The following DPF3 variants were observed in gnomAD, a reference collection of about 807,000 sequenced individuals.
The protein encoded by DPF3 is zinc finger protein DPF3.
DPF3 carries 18 observed loss-of-function variants against 56.8 expected under a neutral mutation model. The ratio of observed to expected loss-of-function variants is 0.32; its 90% CI spans 0.22 to 0.47. The LOEUF is 0.47. DPF3 is among the 20% of genes least tolerant of loss of function. The pLI, the probability that DPF3 is intolerant of heterozygous loss-of-function variation, is 1.00. For synonymous variants in DPF3, 188 were observed against 180.2 expected (o/e 1.04, Z -0.35); for missense variants, 403 against 488.8 (o/e 0.82, Z 1.65).
intron 1 of DPF3, among the ~76,000 whole-genome samples, chr14:72,818,164 C>G (rs1032138629): frequency 2.0e-5 from 3 of 151,978 alleles, no homozygotes; most frequent in African/African-American, 7.3e-5. Context: ...TCCCTTGAAC[C>G]CAGGAGTCAG....
intron 8 of DPF3, among the ~76,000 whole-genome samples, chr14:72,650,710 T>C (rs1445133095): frequency 6.6e-6 from 1 of 152,150 alleles, no homozygotes; most frequent in Admixed American, 6.5e-5. Flanking sequence ...TCCATCTGCC[T>C]CTTCAAGGTA....
chr14:72,690,193 G>A (rs1225626037), intron 7 of DPF3, among the ~76,000 whole-genome samples: 4 of 152,164 alleles, frequency 2.6e-5, no homozygotes, highest in Admixed American at 6.5e-5. Context: ...CACGTAGGGC[G>A]AGGGGAGACA....
intron 5 of DPF3, among the ~76,000 whole-genome samples, chr14:72,716,456 A>G (rs1432278175): frequency 6.6e-6 from 1 of 152,016 alleles, no homozygotes; most frequent in Non-Finnish European, 1.5e-5. Flanking sequence ...GCCTTCTCAA[A>G]TGTCACCTCC....
intron 8 of DPF3, among the ~76,000 whole-genome samples, chr14:72,642,013 G>A (rs1211589047): frequency 1.3e-5 from 2 of 152,208 alleles, no homozygotes; most frequent in Non-Finnish European, 2.9e-5. Context: ...GGAAGCCTCT[G>A]TTCAGCCAGC....
chr14:72,809,583 G>C (rs544892744), intron 1 of DPF3, among the ~76,000 whole-genome samples: 79 of 152,354 alleles, frequency 5.2e-4, no homozygotes, highest in Non-Finnish European at 1.3e-4. Flanking sequence ...CTTCCTTTCA[G>C]AACCCTGCAT....
In DPF3 at chr14:72,708,819, T is replaced by A. The variant is rs568073121; in HGVS notation, c.604+5604A>T. Among the ~76,000 whole-genome samples, 3 of 152,314 alleles carry A rather than the reference T, an allele frequency of 2.0e-5. No individual in the cohort carries two copies. In the East Asian group the frequency reaches 5.8e-4, roughly 29 times the overall value. On this transcript the variant is annotated intron_variant, in intron 6 of 10. Coordinates refer to ENST00000556509, the MANE Select transcript of DPF3 (RefSeq NM_001280542.3). The stretch of plus-strand genomic sequence containing the variant: ...ATTCCCCAATCCACTGCTCCCTTCA[T>A]GTCCTCCAGACATCTTGCCTCCCTA...
At chr14:72,796,725 T>C (rs550963112) in intron 1 of DPF3, among the ~76,000 whole-genome samples, 24 of 152,296 alleles carry the variant, frequency 1.6e-4, no homozygotes, top group African/African-American at 5.5e-4. Flanking sequence ...AGTAGACCTC[T>C]TGGGGCCAGG....
chr14:72,673,066 C>A (rs1377997733), intron 8 of DPF3, among the ~76,000 whole-genome samples: 1 of 152,176 alleles, frequency 6.6e-6, no homozygotes, highest in Non-Finnish European at 1.5e-5. Context: ...CCTTGAGAGT[C>A]ACACGTTGAG....
At chr14:72,670,385 G>A (rs992867787) in intron 8 of DPF3, 7 of 986,054 alleles carry the variant, frequency 7.1e-6, no homozygotes, top group Non-Finnish European at 8.4e-6. Context: ...CCCAGGAGGC[G>A]GCTGGTCAGG....
intron 1 of DPF3, among the ~76,000 whole-genome samples, chr14:72,814,164 G>C (rs1883183210): frequency 6.6e-6 from 1 of 152,086 alleles, no homozygotes. Flanking sequence ...TTTGAATGGT[G>C]CCCCCAGAGT....
chr14:72,686,724 G>A (rs903826423), intron 7 of DPF3, among the ~76,000 whole-genome samples: 1 of 152,204 alleles, frequency 6.6e-6, no homozygotes, highest in Non-Finnish European at 1.5e-5. Flanking sequence ...CTTTGAGAAG[G>A]AAGAAGCAGC....
chr14:72,870,252 T>C (rs564208588), intron 1 of DPF3, among the ~76,000 whole-genome samples: 1 of 152,282 alleles, frequency 6.6e-6, no homozygotes. Flanking sequence ...CAACAGTGTG[T>C]CAGGCCAACT....
intron 3 of DPF3, among the ~76,000 whole-genome samples, chr14:72,740,876 T>C (rs534642420): frequency 2.6e-5 from 4 of 152,236 alleles, no homozygotes; most frequent in Non-Finnish European, 5.9e-5. Flanking sequence ...GGCCAAGTTC[T>C]AGGTCATCTA....
intron 8 of DPF3, among the ~76,000 whole-genome samples, chr14:72,638,818 C>CTTTT (rs1430367532): frequency 1.3e-4 from 15 of 116,134 alleles, no homozygotes; most frequent in South Asian, 7.1e-4. Context: ...CTTTGTTTTA[C>CTTTT]ATTTTTTTTT....
intron 1 of DPF3, among the ~76,000 whole-genome samples, chr14:72,828,407 T>C (rs1883906752): frequency 6.6e-6 from 1 of 151,872 alleles, no homozygotes; most frequent in South Asian, 2.1e-4. Flanking sequence ...GGTGTGGTGC[T>C]CACACCTATA....
intron 8 of DPF3, chr14:72,670,675 T>C: frequency 1.0e-6 from 1 of 982,872 alleles, no homozygotes; most frequent in Non-Finnish European, 1.2e-6. Flanking sequence ...AAAAGTCTGA[T>C]TCTAATAACA....
chr14:72,836,268 T>G (rs1253843653), intron 1 of DPF3: 1 of 985,336 alleles, frequency 1.0e-6, no homozygotes, highest in Non-Finnish European at 1.2e-6. Flanking sequence ...CTTCCCTCAC[T>G]CTCCCATTTT....
chr14:72,783,728 T>C (rs548480926), intron 1 of DPF3, among the ~76,000 whole-genome samples: 3 of 152,322 alleles, frequency 2.0e-5, no homozygotes, highest in African/African-American at 4.8e-5. Context: ...AGGCCTGATA[T>C]TGGCACCGGA....
chr14:72,861,013 T>C (rs970744885), intron 1 of DPF3, among the ~76,000 whole-genome samples: 1 of 151,478 alleles, frequency 6.6e-6, no homozygotes, highest in East Asian at 1.9e-4. Context: ...TGCTTTCTTA[T>C]CTGTTCTCAC....
Sources: allele counts gnomAD v4.1 joint callset (sites outside exome capture counted in the v4.1 genomes callset), GRCh38; gene constraint gnomAD v4.1.1; transcripts MANE v1.5; gene names NCBI Gene and HGNC (gene_info 2026-07-23, HGNC 2026-07-21).